Variants in PDE1C observed in about 807,000 individuals in gnomAD.
PDE1C encodes the protein phosphodiesterase 1C.
Under a neutral mutation model 93.1 loss-of-function variants are expected in PDE1C, and 62 were observed. The observed-to-expected ratio is 0.67, with a 90% CI of 0.54 to 0.82. The LOEUF is 0.82. Among genes scored for constraint, PDE1C ranks in the 40% least tolerant of loss-of-function variants. The probability of loss-of-function intolerance (pLI) is 0.00; values close to 1 mark genes in which losing one functional copy is unlikely to be tolerated. For missense variants in PDE1C, 742 were observed against 884.6 expected, an observed-to-expected ratio of 0.84 and a Z score of 2.04; for synonymous variants, 325 against 310.1, an observed-to-expected ratio of 1.05 and a Z score of -0.50.
intron 3 of PDE1C, among the ~76,000 whole-genome samples, chr7:32,108,126 A>G (rs1798433288): frequency 6.6e-6 from 1 of 150,938 alleles, no homozygotes; most frequent in Non-Finnish European, 1.5e-5. Context: ...AGTTACAAAT[A>G]TGGTAGACAT....
intron 3 of PDE1C, among the ~76,000 whole-genome samples, chr7:32,085,801 C>T (rs1306003990): frequency 6.6e-6 from 1 of 151,606 alleles, no homozygotes; most frequent in South Asian, 2.1e-4. Flanking sequence ...CAAAATTCAA[C>T]AACATTTCAT....
chr7:32,193,698 T>C (rs1372633344), intron 2 of PDE1C, among the ~76,000 whole-genome samples: 1 of 152,224 alleles, frequency 6.6e-6, no homozygotes, highest in Non-Finnish European at 1.5e-5. Context: ...TCTTCTATTT[T>C]ATGGAAGAGA....
At chr7:32,116,161 C>A (rs1387896012) in intron 3 of PDE1C, among the ~76,000 whole-genome samples, 1 of 152,204 alleles carries the variant, frequency 6.6e-6, no homozygotes, top group Non-Finnish European at 1.5e-5. Context: ...TGGGATGGAA[C>A]TACAGGGTGC....
At chr7:31,780,314 T>C (rs892676762) in intron 16 of PDE1C, among the ~76,000 whole-genome samples, 4 of 152,222 alleles carry the variant, frequency 2.6e-5, no homozygotes, top group African/African-American at 7.2e-5. Context: ...CTCACGGATG[T>C]GAATCTTGTA....
chr7:31,778,203 C>A (rs1783142456), intron 16 of PDE1C, among the ~76,000 whole-genome samples: 1 of 152,176 alleles, frequency 6.6e-6, no homozygotes, highest in Non-Finnish European at 1.5e-5. Context: ...AATGCACAAC[C>A]CCAGTGGATG....
intron 1 of PDE1C, among the ~76,000 whole-genome samples, chr7:32,218,281 T>G (rs1032899766): frequency 6.6e-6 from 1 of 152,264 alleles, no homozygotes; most frequent in Non-Finnish European, 1.5e-5. Flanking sequence ...CCGGGCCAAT[T>G]TGGCTGTCAA....
chr7:32,195,803 T>C (rs1259858180), intron 2 of PDE1C, among the ~76,000 whole-genome samples: 2 of 152,226 alleles, frequency 1.3e-5, no homozygotes, highest in South Asian at 4.1e-4. Context: ...TATGGTGCAC[T>C]ACCTTATTAT....
intron 1 of PDE1C, among the ~76,000 whole-genome samples, chr7:32,064,363 C>T (rs899393268): frequency 2.0e-5 from 3 of 152,170 alleles, no homozygotes; most frequent in African/African-American, 7.2e-5. Flanking sequence ...GCAAATAACA[C>T]CAAATTCACT....
At chr7:31,720,196 AAAG>A in the PDE1C span, among the ~76,000 whole-genome samples, 2 of 147,292 alleles carry the variant, frequency 1.4e-5, no homozygotes, top group Non-Finnish European at 3.0e-5. Context: ...AAAAAAAAAA[AAAG>A]AAGTCTAATG....
intron 2 of PDE1C, among the ~76,000 whole-genome samples, chr7:31,960,900 C>T (rs977068566): frequency 2.6e-5 from 4 of 152,162 alleles, no homozygotes; most frequent in African/African-American, 9.7e-5. Flanking sequence ...CTTTGTCAGT[C>T]ATGCAGTTTC....
intron 17 of PDE1C, among the ~76,000 whole-genome samples, chr7:31,766,485 T>TTAA (rs1479735215): frequency 1.4e-4 from 21 of 152,182 alleles, no homozygotes; most frequent in Non-Finnish European, 2.8e-4. Flanking sequence ...TAATAAAATC[T>TTAA]TAATAATTTT....
chr7:32,384,012 G>A (rs1784580802), intron 1 of PDE1C, among the ~76,000 whole-genome samples: 1 of 152,150 alleles, frequency 6.6e-6, no homozygotes, highest in Non-Finnish European at 1.5e-5. Flanking sequence ...GGAAGTAAAG[G>A]TTTATTTGTT....
the PDE1C span, among the ~76,000 whole-genome samples, chr7:31,710,045 A>T: frequency 2.0e-5 from 3 of 152,152 alleles, no homozygotes; most frequent in African/African-American, 4.8e-5. Flanking sequence ...GCTACTCAGG[A>T]GGCTGAAGTA....
At chr7:32,207,979 G>GA (rs1209275826) in intron 2 of PDE1C, among the ~76,000 whole-genome samples, 18 of 152,054 alleles carry the variant, frequency 1.2e-4, no homozygotes, top group South Asian at 1.0e-3. Flanking sequence ...AGGAGATGAA[G>GA]AAAAAAATGG....
chr7:32,309,501 A>T (rs1381117086), intron 1 of PDE1C, among the ~76,000 whole-genome samples: 2 of 152,186 alleles, frequency 1.3e-5, no homozygotes, highest in Non-Finnish European at 2.9e-5. Flanking sequence ...GCCAGAGAGA[A>T]AGGTCGGGTT....
At chr7:32,150,255 C>A (rs1035220002) in intron 3 of PDE1C, among the ~76,000 whole-genome samples, 1 of 152,218 alleles carries the variant, frequency 6.6e-6, no homozygotes, top group Non-Finnish European at 1.5e-5. Context: ...ATAATCGCAG[C>A]CCAGCTCTGG....
intron 14 of PDE1C, among the ~76,000 whole-genome samples, chr7:31,817,062 AT>A (rs1456878987): frequency 6.6e-6 from 1 of 152,182 alleles, no homozygotes; most frequent in African/African-American, 2.4e-5. Context: ...AAGCAAGTGG[AT>A]TTATAAAGAG....
intron 2 of PDE1C, among the ~76,000 whole-genome samples, chr7:32,008,677 C>T (rs562477262): frequency 4.7e-4 from 71 of 152,236 alleles, no homozygotes; most frequent in African/African-American, 1.7e-3. Context: ...ATCTGGGGAA[C>T]CTCAGCGATT....
intron 2 of PDE1C, among the ~76,000 whole-genome samples, chr7:32,050,549 A>G (rs1241836693): frequency 1.3e-5 from 2 of 152,128 alleles, no homozygotes; most frequent in African/African-American, 4.8e-5. Flanking sequence ...AATTTGCTTG[A>G]CTGTAATGAT....
Sources: allele counts gnomAD v4.1 joint callset (sites outside exome capture counted in the v4.1 genomes callset), GRCh38; gene constraint gnomAD v4.1.1; transcripts MANE v1.5; gene names NCBI Gene and HGNC (gene_info 2026-07-23, HGNC 2026-07-21).